Variants in TRPM3 observed in about 807,000 individuals in gnomAD.
TRPM3 encodes long transient receptor potential channel 3.
TRPM3 carries 77 observed loss-of-function variants against 181.2 expected under a neutral mutation model. The ratio of observed to expected loss-of-function variants is 0.42; its 90% CI spans 0.35 to 0.51. The LOEUF (loss-of-function observed/expected upper bound fraction) is 0.51. TRPM3 is among the 20% of genes least tolerant of loss of function. The pLI is 0.01. For synonymous variants in TRPM3, 745 were observed against 796.4 expected (o/e 0.94, Z 1.09); for missense variants, 1,759 against 2,196.7 (o/e 0.80, Z 3.98).
chr9:70,968,661 A>G (rs138801146), intron 1 of TRPM3, among the ~76,000 whole-genome samples: 444 of 152,274 alleles, frequency 2.9e-3, no homozygotes, highest in African/African-American at 9.8e-3. Context: ...GAAAATGAAC[A>G]TTGTGGGATG....
chr9:70,987,219 T>A (rs1331823386), intron 1 of TRPM3, among the ~76,000 whole-genome samples: 1 of 152,106 alleles, frequency 6.6e-6, no homozygotes, highest in Non-Finnish European at 1.5e-5. Context: ...AACAGCCATA[T>A]AAACAAAAAC....
chr9:71,309,238 A>G (rs898934792), intron 1 of TRPM3, among the ~76,000 whole-genome samples: 3 of 152,154 alleles, frequency 2.0e-5, no homozygotes, highest in Admixed American at 6.6e-5. Flanking sequence ...CGTTTAGGAC[A>G]CCTAGATTTC....
At chr9:70,658,476 C>T (rs1451555364) in intron 9 of TRPM3, among the ~76,000 whole-genome samples, 2 of 152,026 alleles carry the variant, frequency 1.3e-5, no homozygotes, top group African/African-American at 4.8e-5. Context: ...GTTTGGTTTT[C>T]TTTGGGCTGT....
At chr9:71,046,234 C>T (rs1403994761) in intron 1 of TRPM3, among the ~76,000 whole-genome samples, 1 of 152,136 alleles carries the variant, frequency 6.6e-6, no homozygotes, top group East Asian at 1.9e-4. Context: ...ATCCACCAGA[C>T]TCGGCCTCCC....
intron 1 of TRPM3, among the ~76,000 whole-genome samples, chr9:70,997,145 T>G (rs2097547650): frequency 6.6e-6 from 1 of 152,216 alleles, no homozygotes; most frequent in African/African-American, 2.4e-5. Flanking sequence ...CTTCATTTTT[T>G]TAAATCTCTC....
chr9:70,841,877 G>C (rs1358473538), intron 5 of TRPM3, among the ~76,000 whole-genome samples: 2 of 151,708 alleles, frequency 1.3e-5, no homozygotes, highest in East Asian at 1.9e-4. Flanking sequence ...TGGGGGCAAA[G>C]TACTAGGCAC....
At chr9:71,176,061 C>T (rs562167097) in intron 1 of TRPM3, among the ~76,000 whole-genome samples, 5 of 152,184 alleles carry the variant, frequency 3.3e-5, no homozygotes, top group Admixed American at 6.6e-5. Context: ...TGATGACATA[C>T]GGTACATAAT....
At position 71,114,648 on chromosome 9, in the gene TRPM3, A is replaced by G. The variant is rs1208747805; in HGVS notation, c.177+6530T>C. 2.6e-5 allele frequency among the ~76,000 whole-genome samples: 4 copies of G among 152,282 alleles called. No homozygotes were observed. The South Asian group carries it at 8.3e-4, about 32-fold the overall frequency. ...GGTTGGGGAGTCTAGAATTATGGGC[A>G]TCAGTTATGGCTGCTTCAGCCTTTG... On this transcript the variant is annotated intron_variant, in intron 1 of 25. Coordinates refer to ENST00000677713, the MANE Select transcript of TRPM3 (RefSeq NM_001366145.2).
chr9:70,961,155 G>T (rs750375095), intron 1 of TRPM3, among the ~76,000 whole-genome samples: 4 of 152,172 alleles, frequency 2.6e-5, no homozygotes, highest in Non-Finnish European at 4.4e-5. Context: ...TCAGAGAGGA[G>T]ATGTGATGAC....
intron 1 of TRPM3, among the ~76,000 whole-genome samples, chr9:71,406,796 T>A (rs1222971850): frequency 6.6e-6 from 1 of 152,094 alleles, no homozygotes; most frequent in African/African-American, 2.4e-5. Flanking sequence ...AGTGACAGTA[T>A]TGCTCGAGGG....
At chr9:71,322,751 C>T (rs1565460898) in intron 1 of TRPM3, among the ~76,000 whole-genome samples, 1 of 152,082 alleles carries the variant, frequency 6.6e-6, no homozygotes, top group Non-Finnish European at 1.5e-5. Flanking sequence ...TCTCTAAGTT[C>T]TCATGTATTT....
At chr9:70,541,400 G>T (rs1231551152) in intron 25 of TRPM3, among the ~76,000 whole-genome samples, 1 of 152,068 alleles carries the variant, frequency 6.6e-6, no homozygotes, top group Non-Finnish European at 1.5e-5. Context: ...GATCACTTAG[G>T]TCATGGACCT....
chr9:70,938,274 A>G (rs1040924860), intron 1 of TRPM3, among the ~76,000 whole-genome samples: 1 of 152,090 alleles, frequency 6.6e-6, no homozygotes, highest in Non-Finnish European at 1.5e-5. Flanking sequence ...TGTAATCTCT[A>G]CTTCTTCTAT....
intron 1 of TRPM3, among the ~76,000 whole-genome samples, chr9:70,938,715 G>A (rs746914082): frequency 7.2e-5 from 11 of 152,070 alleles, no homozygotes; most frequent in Non-Finnish European, 1.3e-4. Context: ...CACTTTGGGA[G>A]GCCGAGGTGG....
At chr9:70,678,150 A>G (rs1317604) in intron 9 of TRPM3, among the ~76,000 whole-genome samples, 99,781 of 152,042 alleles carry the variant, frequency 0.66, 33,172 homozygotes, top group African/African-American at 0.76. Flanking sequence ...GAGTGGTCCC[A>G]TCATGTGAAA....
At chr9:70,555,755 A>C (rs1588324346) in intron 22 of TRPM3, among the ~76,000 whole-genome samples, 1 of 152,072 alleles carries the variant, frequency 6.6e-6, no homozygotes. Context: ...AGCTTCTCGC[A>C]CCTACTCTAC....
At chr9:71,174,771 C>T (rs1475962120) in intron 1 of TRPM3, among the ~76,000 whole-genome samples, 5 of 152,098 alleles carry the variant, frequency 3.3e-5, no homozygotes, top group Admixed American at 6.6e-5. Context: ...CAGTATGGTT[C>T]GAAGCCAGGG....
At chr9:70,587,673 C>T (rs1456644881) in intron 22 of TRPM3, among the ~76,000 whole-genome samples, 1 of 152,160 alleles carries the variant, frequency 6.6e-6, no homozygotes, top group African/African-American at 2.4e-5. Context: ...GGCCATGCCA[C>T]ATGGGTCACA....
chr9:71,040,325 A>G (rs1271445168), intron 1 of TRPM3, among the ~76,000 whole-genome samples: 1 of 152,220 alleles, frequency 6.6e-6, no homozygotes, highest in Non-Finnish European at 1.5e-5. Flanking sequence ...AGCTCTCTCT[A>G]TAACAGAAGT....
Sources: gnomAD v4.1 joint callset for allele counts (sites outside exome capture counted in the v4.1 genomes callset) on GRCh38, gnomAD v4.1.1 for gene constraint, MANE v1.5 for transcripts, NCBI Gene and HGNC (gene_info 2026-07-23, HGNC 2026-07-21) for gene names.